PRKN: variants seen among roughly 807,000 people sequenced by gnomAD.
PRKN encodes E3 ubiquitin-protein ligase parkin.
In PRKN, 56 loss-of-function variants were observed where a neutral mutation model predicts 59.5. The observed-to-expected ratio is 0.94, with a 90% CI of 0.76 to 1.18. The LOEUF (loss-of-function observed/expected upper bound fraction) is 1.18. Ranked by LOEUF, PRKN falls within the 50% of genes most tolerant of loss-of-function variation. The pLI, the probability that PRKN is intolerant of heterozygous loss-of-function variation, is 0.00. For synonymous variants in PRKN, 250 were observed against 222.1 expected, an observed-to-expected ratio of 1.13 and a Z score of -1.12; for missense variants, 657 against 596.4, an observed-to-expected ratio of 1.10 and a Z score of -1.06.
intron 1 of PRKN, among the ~76,000 whole-genome samples, chr6:162,464,474 T>C (rs1486521800): frequency 6.6e-6 from 1 of 152,078 alleles, no homozygotes; most frequent in Non-Finnish European, 1.5e-5. Flanking sequence ...ATAGCACTAA[T>C]ATGTAATGGA....
intron 7 of PRKN, among the ~76,000 whole-genome samples, chr6:161,577,317 A>G (rs1307931210): frequency 2.0e-5 from 3 of 152,244 alleles, no homozygotes; most frequent in East Asian, 3.8e-4. Flanking sequence ...GTACATGGAC[A>G]TTGATTATGC....
At chr6:162,545,389 T>C (rs1779079858) in intron 1 of PRKN, among the ~76,000 whole-genome samples, 1 of 152,192 alleles carries the variant, frequency 6.6e-6, no homozygotes, top group African/African-American at 2.4e-5. Context: ...TCTTGATTTC[T>C]GTGAACTGCC....
intron 4 of PRKN, among the ~76,000 whole-genome samples, chr6:162,200,704 T>C (rs1339535690): frequency 1.3e-5 from 2 of 152,204 alleles, no homozygotes; most frequent in Non-Finnish European, 2.9e-5. Context: ...GTACATTTGG[T>C]GCACCAATCT....
intron 1 of PRKN, among the ~76,000 whole-genome samples, chr6:162,694,002 C>A (rs572757002): frequency 1.3e-5 from 2 of 152,084 alleles, no homozygotes; most frequent in Non-Finnish European, 2.9e-5. Flanking sequence ...AATCCCAACA[C>A]TTTGGGAGGC....
intron 9 of PRKN, among the ~76,000 whole-genome samples, chr6:161,469,337 G>A (rs546064804): frequency 6.6e-6 from 1 of 152,174 alleles, no homozygotes; most frequent in Non-Finnish European, 1.5e-5. Context: ...CCGCCATGAT[G>A]TAAGTTTCCT....
chr6:161,827,604 T>C (rs1327650580), intron 6 of PRKN, among the ~76,000 whole-genome samples: 1 of 148,988 alleles, frequency 6.7e-6, no homozygotes, highest in Non-Finnish European at 1.5e-5. Flanking sequence ...CTGCCTCTGG[T>C]TCAAGCAATT....
chr6:161,602,121 T>TATCTATCC (rs1398311660), intron 7 of PRKN, among the ~76,000 whole-genome samples: 2 of 152,068 alleles, frequency 1.3e-5, no homozygotes, highest in Non-Finnish European at 2.9e-5. Context: ...TCTATCTATC[T>TATCTATCC]ATCTATCTAT....
chr6:161,548,702 A>T lies in PRKN; in HGVS notation c.1083+152T>A. On this transcript the variant is annotated intron_variant, in intron 9 of 11. Coordinates refer to ENST00000366898, the MANE Select transcript of PRKN (RefSeq NM_004562.3). The surrounding 1 kb of genome is among the most constrained non-coding windows in gnomAD (Gnocchi z 4.2). The stretch of plus-strand genomic sequence containing the variant: ...AAATTTTCAAATCTGGAGTCCTATA[A>T]AGGAATTTAAAATCTATTTTCTTAT... 1 of 739,304 alleles carries T rather than the reference A, an allele frequency of 1.4e-6. No homozygotes were observed. The highest frequency in any genetic ancestry group is 2.3e-6 in the Non-Finnish European group (1 of 437,522). The allele number at this position is 739,304 out of a possible 1,614,324, so 45.8% of individuals were successfully genotyped here. A position where few individuals can be genotyped will look rare whatever the true frequency, so the allele number is the denominator to read the frequency against.
intron 1 of PRKN, among the ~76,000 whole-genome samples, chr6:162,445,512 C>G (rs1790265604): frequency 6.6e-6 from 1 of 151,672 alleles, no homozygotes; most frequent in African/African-American, 2.4e-5. Context: ...CAAAGTGAGA[C>G]CCCATCTCTA....
chr6:161,707,472 T>C (rs574841245), intron 7 of PRKN, among the ~76,000 whole-genome samples: 1 of 152,314 alleles, frequency 6.6e-6, no homozygotes, highest in Admixed American at 6.5e-5. Flanking sequence ...TATAATACCA[T>C]ATGGACACCC....
chr6:161,885,460 A>T lies in PRKN; in HGVS notation c.734+87842T>A, dbSNP rs13205858. On this transcript the variant is annotated intron_variant, in intron 6 of 11. Coordinates refer to ENST00000366898, the MANE Select transcript of PRKN (RefSeq NM_004562.3). ...CGGGCAGATCACGAGGTCAGGAGAT[A>T]GAGACCATCCTGGCTAACACAGTGA... Among the ~76,000 whole-genome samples, 30 of 152,048 alleles carry T rather than the reference A, an allele frequency of 2.0e-4. 1 individual carries two copies. The Middle Eastern group carries it at 0.01, about 52-fold the overall frequency.
At chr6:161,817,905 C>A (rs554646479) in intron 6 of PRKN, among the ~76,000 whole-genome samples, 1 of 152,128 alleles carries the variant, frequency 6.6e-6, no homozygotes, top group African/African-American at 2.4e-5. Flanking sequence ...CACTTCCCAC[C>A]GTTGCTCCAA....
chr6:162,508,091 G>T (rs544338772), intron 1 of PRKN, among the ~76,000 whole-genome samples: 18 of 152,180 alleles, frequency 1.2e-4, no homozygotes, highest in Admixed American at 2.6e-4. Flanking sequence ...ACATGGCTGG[G>T]AAAGCCTCAG....
At chr6:161,641,259 G>C (rs1783726853) in intron 7 of PRKN, among the ~76,000 whole-genome samples, 1 of 152,202 alleles carries the variant, frequency 6.6e-6, no homozygotes, top group African/African-American at 2.4e-5. Flanking sequence ...CATGCAGCTG[G>C]AGGCTGCAAA....
intron 9 of PRKN, among the ~76,000 whole-genome samples, chr6:161,528,446 C>T (rs1011511539): frequency 6.6e-6 from 1 of 152,086 alleles, no homozygotes; most frequent in African/African-American, 2.4e-5. Context: ...ATAATATCCA[C>T]CAGCACCCCA....
chr6:162,092,005 C>T (rs1779517559), intron 4 of PRKN, among the ~76,000 whole-genome samples: 1 of 151,970 alleles, frequency 6.6e-6, no homozygotes, highest in Non-Finnish European at 1.5e-5. Context: ...CACTGCACTC[C>T]AGCCTGGGCA....
intron 2 of PRKN, among the ~76,000 whole-genome samples, chr6:162,387,662 C>T (rs1303417371): frequency 6.6e-6 from 1 of 151,298 alleles, no homozygotes; most frequent in African/African-American, 2.4e-5. Flanking sequence ...AGGTGTGTAC[C>T]TCAAAGTCTA....
At chr6:162,239,282 AT>A (rs1450924430) in intron 3 of PRKN, among the ~76,000 whole-genome samples, 5 of 151,338 alleles carry the variant, frequency 3.3e-5, no homozygotes, top group Admixed American at 6.6e-5. Flanking sequence ...CCCAGATTTT[AT>A]TTTCTATTTT....
intron 2 of PRKN, among the ~76,000 whole-genome samples, chr6:162,344,222 C>T (rs138070019): frequency 3.9e-5 from 6 of 152,106 alleles, no homozygotes; most frequent in African/African-American, 1.4e-4. Context: ...TCTGGAAATG[C>T]TCCCAATATT....
Sources: gnomAD v4.1 joint callset for allele counts (sites outside exome capture counted in the v4.1 genomes callset) on GRCh38, gnomAD v4.1.1 for gene constraint, Gnocchi (gnomAD v3.1) non-coding constraint, MANE v1.5 for transcripts, NCBI Gene and HGNC (gene_info 2026-07-23, HGNC 2026-07-21) for gene names.